Variants in LRRC4C observed in about 807,000 individuals in gnomAD.
The protein encoded by LRRC4C is leucine rich repeat containing 4C.
In LRRC4C, 5 loss-of-function variants were observed where a neutral mutation model predicts 33.6. That is an observed-to-expected ratio of 0.15 (90% CI 0.08 to 0.31). The LOEUF (loss-of-function observed/expected upper bound fraction) is 0.31. Among genes scored for constraint, LRRC4C ranks in the 10% least tolerant of loss-of-function variants. LRRC4C has a pLI of 1.00. For missense variants in LRRC4C, 560 were observed against 796.7 expected (o/e 0.70, Z 3.58); for synonymous variants, 329 against 302.0 (o/e 1.09, Z -0.93).
intron 1 of LRRC4C, among the ~76,000 whole-genome samples, chr11:40,971,416 C>G (rs77264092): frequency 0.021 from 3,160 of 152,224 alleles, 100 homozygotes; most frequent in African/African-American, 0.073. Context: ...TTGGCTTCCA[C>G]GTGGTGTTAG....
At chr11:40,159,053 T>A (rs1042636630) in intron 5 of LRRC4C, among the ~76,000 whole-genome samples, 1 of 152,182 alleles carries the variant, frequency 6.6e-6, no homozygotes, top group Non-Finnish European at 1.5e-5. Context: ...ATTGTAATTA[T>A]ACTACACTGC....
At chr11:41,285,802 T>A (rs1949807688) in intron 1 of LRRC4C, among the ~76,000 whole-genome samples, 2 of 152,060 alleles carry the variant, frequency 1.3e-5, no homozygotes, top group South Asian at 2.1e-4. Context: ...ATCTCTTTTT[T>A]ATTTTATTGT....
At chr11:40,451,491 T>C (rs1484658234) in intron 3 of LRRC4C, among the ~76,000 whole-genome samples, 6 of 144,654 alleles carry the variant, frequency 4.1e-5, no homozygotes, top group African/African-American at 7.6e-5. Context: ...GTTCAAGTAA[T>C]TCTCCTGCCT....
intron 1 of LRRC4C, among the ~76,000 whole-genome samples, chr11:40,969,496 G>T (rs1851577164): frequency 2.0e-5 from 3 of 150,426 alleles, no homozygotes; most frequent in Non-Finnish European, 3.0e-5. Context: ...GAAAGGTAGT[G>T]TCAGTTGGTG....
chr11:40,429,420 T>A (rs569071769), intron 3 of LRRC4C, among the ~76,000 whole-genome samples: 5 of 152,160 alleles, frequency 3.3e-5, no homozygotes, highest in African/African-American at 1.2e-4. Flanking sequence ...TTTGCATCCA[T>A]CTTAAGAGGT....
intron 3 of LRRC4C, among the ~76,000 whole-genome samples, chr11:40,541,354 G>A (rs182776589): frequency 5.3e-5 from 8 of 152,058 alleles, no homozygotes; most frequent in South Asian, 2.1e-4. Context: ...GGATCTTCTC[G>A]CCTCAGCCTC....
chr11:40,782,745 G>A (rs769269864), intron 2 of LRRC4C, among the ~76,000 whole-genome samples: 24 of 152,094 alleles, frequency 1.6e-4, no homozygotes, highest in Non-Finnish European at 3.2e-4. Context: ...TTCTATTCAT[G>A]AGATATTACT....
At chr11:41,083,580 A>C (rs1302525712) in intron 1 of LRRC4C, among the ~76,000 whole-genome samples, 3 of 152,288 alleles carry the variant, frequency 2.0e-5, no homozygotes, top group Admixed American at 6.5e-5. Context: ...ACGCTTTCTA[A>C]TCTAATTTCT....
chr11:41,416,820 G>A (rs188029226), intron 1 of LRRC4C, among the ~76,000 whole-genome samples: 23 of 152,010 alleles, frequency 1.5e-4, no homozygotes, highest in African/African-American at 4.3e-4. Flanking sequence ...GTGTGAAAAC[G>A]CATCAAAAGT....
At chr11:40,973,201 T>A (rs973400108) in intron 1 of LRRC4C, among the ~76,000 whole-genome samples, 1 of 152,042 alleles carries the variant, frequency 6.6e-6, no homozygotes, top group Admixed American at 6.6e-5. Flanking sequence ...CTTGAGTAAT[T>A]CTTTATTGCA....
chr11:40,181,735 A>G (rs763771656), intron 5 of LRRC4C, among the ~76,000 whole-genome samples: 1 of 152,168 alleles, frequency 6.6e-6, no homozygotes, highest in Non-Finnish European at 1.5e-5. Context: ...CCATGAGGAG[A>G]GAGCTTAATA....
chr11:41,354,543 T>A (rs1952091480), intron 1 of LRRC4C, among the ~76,000 whole-genome samples: 1 of 151,700 alleles, frequency 6.6e-6, no homozygotes, highest in South Asian at 2.1e-4. Flanking sequence ...TCATATTAAA[T>A]CAGGGGAAAA....
intron 3 of LRRC4C, among the ~76,000 whole-genome samples, chr11:40,471,699 AG>A (rs1405685053): frequency 1.3e-5 from 2 of 148,608 alleles, no homozygotes; most frequent in Non-Finnish European, 3.0e-5. Context: ...AAAAAAAAGC[AG>A]GGGTTGCAAT....
At chr11:41,105,369 T>C (rs1941433870) in intron 1 of LRRC4C, among the ~76,000 whole-genome samples, 1 of 152,008 alleles carries the variant, frequency 6.6e-6, no homozygotes, top group Non-Finnish European at 1.5e-5. Flanking sequence ...GAAGTTCCAA[T>C]TGCATCTTAT....
chr11:40,447,766 G>A (rs1197579260), intron 3 of LRRC4C, among the ~76,000 whole-genome samples: 4 of 151,930 alleles, frequency 2.6e-5, no homozygotes. Context: ...CTTCACTGTA[G>A]AGCTTAACTG....
intron 2 of LRRC4C, among the ~76,000 whole-genome samples, chr11:40,858,692 TAAAAA>T (rs201131448): frequency 1.1e-4 from 9 of 80,168 alleles, no homozygotes; most frequent in South Asian, 4.9e-4. Flanking sequence ...GACTCCTTCT[TAAAAA>T]AAAAAAAAAA....
At chr11:40,795,050 T>A (rs1358841100) in intron 2 of LRRC4C, among the ~76,000 whole-genome samples, 1 of 152,216 alleles carries the variant, frequency 6.6e-6, no homozygotes, top group Non-Finnish European at 1.5e-5. Flanking sequence ...CAGATTGTAG[T>A]GTTTTAACTG....
intron 2 of LRRC4C, among the ~76,000 whole-genome samples, chr11:40,648,944 A>T (rs1942627078): frequency 6.6e-6 from 1 of 152,190 alleles, no homozygotes; most frequent in Admixed American, 6.5e-5. Flanking sequence ...CAAAACCAGC[A>T]GGTTTTAATT....
At chr11:41,009,270 T>C (rs560148773) in intron 1 of LRRC4C, among the ~76,000 whole-genome samples, 31 of 152,070 alleles carry the variant, frequency 2.0e-4, no homozygotes, top group African/African-American at 7.2e-4. Context: ...TTTGAATATA[T>C]ATATCCAAAA....
Sources: gnomAD v4.1 joint callset for allele counts (sites outside exome capture counted in the v4.1 genomes callset) on GRCh38, gnomAD v4.1.1 for gene constraint, MANE v1.5 for transcripts, NCBI Gene and HGNC (gene_info 2026-07-23, HGNC 2026-07-21) for gene names.